The following CPT1B variants were observed in gnomAD, a reference collection of about 807,000 sequenced individuals.
The protein encoded by CPT1B is carnitine palmitoyltransferase 1B.
CPT1B carries 57 observed loss-of-function variants against 92.7 expected under a neutral mutation model. The observed-to-expected ratio is 0.62, with a 90% confidence interval of 0.50 to 0.77. The LOEUF (loss-of-function observed/expected upper bound fraction) is 0.77, where lower values mean the gene tolerates loss of function less well. CPT1B is among the 30% of genes least tolerant of loss of function. The probability of loss-of-function intolerance (pLI) is 0.00; values close to 1 mark genes in which losing one functional copy is unlikely to be tolerated. For synonymous variants in CPT1B, 398 were observed against 383.5 expected (o/e 1.04, Z -0.44); for missense variants, 983 against 1,017.4 (o/e 0.97, Z 0.46).
rs777514341 is a variant in CPT1B, at chr22:50,571,525, G to A, written c.1590C>T (p.Ile530=). The A allele has an allele frequency of 2.5e-6, 4 of 1,612,346 alleles. No individual in the cohort carries two copies. Among genetic ancestry groups the A allele is most frequent in the South Asian group, 2.2e-5 (2 of 91,084 alleles). Residue 530 remains isoleucine (I), a synonymous_variant, in exon 14 of 20, where the codon ATC becomes ATT. Transcript: ENST00000312108. ...CCTTGGCCACCTGGTAGGAACTCTC[G>A]ATGACCGCCTGGCACTGCCAAGACA... ...WDIPKQCQAV[I]ESSYQVAKAL... is the part of the protein sequence containing the mutation.
chr22:50,571,601 G>T, intron 13 of CPT1B, 62 bp from the exon 14 acceptor site: 1 of 1,556,950 alleles, frequency 6.4e-7, no homozygotes, highest in Non-Finnish European at 8.7e-7. Flanking sequence ...TCTGGGTCAT[G>T]TCTAGGAGGC....
chr22:50,577,883 C>G lies in CPT1B; in HGVS notation c.33G>C (p.Gln11His), dbSNP rs1270061398. The change falls in exon 2 of 20, where the codon CAG becomes CAC. Residue 11 changes from glutamine (Q) to histidine (H), a missense_variant. Physicochemically the swap from Gln to His is conservative, Grantham distance 24. Transcript: ENST00000312108. The part of the protein sequence containing the change: MAEAHQAVAF[Q>H]FTVTPDGVDF... ...CGACCCCGTCTGGGGTCACCGTGAA[C>G]TGGAAGGCCACGGCCTGGTGAGCTT... 22 of 1,612,994 alleles carry G rather than the reference C, an allele frequency of 1.4e-5. No individual in the cohort carries two copies. The highest frequency in any genetic ancestry group is 1.8e-5 in the Non-Finnish European group (21 of 1,179,592).
intron 17 of CPT1B, among the ~76,000 whole-genome samples, chr22:50,569,975 C>G: frequency 6.6e-6 from 1 of 152,298 alleles, no homozygotes; most frequent in South Asian, 2.1e-4. Flanking sequence ...CTGTGGGAGA[C>G]AGCTGCACTC....
In CPT1B at chr22:50,573,005, C is replaced by T. The variant is rs746721222; in HGVS notation, c.1222G>A (p.Ala408Thr). The T allele has an allele frequency of 1.1e-5, 17 of 1,612,510 alleles. No individual in the cohort carries two copies. In the South Asian group the frequency reaches 1.8e-4, roughly 17 times the overall value. ...AFFSSGKNKA[A>T]LEAIERAAFF... ...GCGGCACGCTCGATGGCCTCCAAGG[C>T]AGCCTTATTCTTTCCAGAGCTAAAG... Residue 408 changes from alanine (A) to threonine (T), a missense_variant, in exon 11 of 20, where the codon GCC (alanine) becomes ACC (threonine). Transcript: ENST00000312108. The surrounding 1 kb of genome is among the most constrained non-coding windows in gnomAD (Gnocchi z 5.0).
chr22:50,572,017 T>C lies in CPT1B; in HGVS notation c.1564A>G (p.Ile522Val). ...LAPPTRLQWD[I>V]PKQCQAVIES... ...AGCTTCCAACCCACCTGTTTTGGAA[T>C]GTCCCACTGCAGCCGTGTAGGAGGT... Residue 522 changes from isoleucine (I) to valine (V), a missense_variant, in exon 13 of 20, where the codon ATT (isoleucine) becomes GTT (valine). By Grantham distance (29) the Ile-to-Val change is conservative. Coordinates refer to ENST00000312108, the MANE Select transcript of CPT1B (RefSeq NM_152246.3). The C allele has an allele frequency of 6.2e-7, 1 of 1,613,930 alleles. No homozygotes were observed. The highest frequency in any genetic ancestry group is 2.2e-5 in the East Asian group (1 of 44,878).
chr22:50,575,796 A>G (rs1317194549), intron 7 of CPT1B, among the ~76,000 whole-genome samples: 1 of 152,186 alleles, frequency 6.6e-6, no homozygotes, highest in Non-Finnish European at 1.5e-5. Context: ...GACTCTGAGA[A>G]GCGGTGGCAG....
Position 50,577,310 on chromosome 22 carries a change from G to A in CPT1B, c.281+14C>T. 1.2e-6 allele frequency: 2 copies of A among 1,613,410 alleles called. No homozygotes were observed. The highest frequency in any genetic ancestry group is 1.7e-6 in the Non-Finnish European group (2 of 1,179,852). On this transcript the variant is annotated intron_variant, in intron 3 of 19. Transcript: ENST00000312108. ...CCCTGGTGGCACCTGTGCCCTTCCA[G>A]TTTCACTCCTTACCCCTGAGGGAGG...
At chr22:50,569,152 C>T (rs957472697) in intron 19 of CPT1B, 71 bp from the exon 20 acceptor site, 1 of 559,056 alleles carries the variant, frequency 1.8e-6, no homozygotes, top group Non-Finnish European at 3.2e-6. Flanking sequence ...AATTCCCTTC[C>T]TGCTCCAACC....
At chr22:50,570,639 TCAC>T (rs1285032365) in intron 16 of CPT1B, among the ~76,000 whole-genome samples, 1 of 152,186 alleles carries the variant, frequency 6.6e-6, no homozygotes, top group Admixed American at 6.5e-5. Flanking sequence ...AGTAGTGCTG[TCAC>T]CACCTGACAG....
chr22:50,569,894 T>TTC (rs978767032), intron 17 of CPT1B, among the ~76,000 whole-genome samples: 3 of 152,186 alleles, frequency 2.0e-5, no homozygotes, highest in African/African-American at 7.2e-5. Context: ...AGGGGGCTTA[T>TTC]TCTCTAGATC....
chr22:50,577,085 G>T, intron 3 of CPT1B, 51 bp from the exon 4 acceptor site: 1 of 1,598,686 alleles, frequency 6.3e-7, no homozygotes, highest in Non-Finnish European at 8.6e-7. Context: ...GCCAGCCTCG[G>T]GTGGCTGTGA....
Position 50,573,297 on chromosome 22 carries a change from G to C in CPT1B, c.1166+223C>G, listed in dbSNP as rs1052210863. 1.3e-5 allele frequency among the ~76,000 whole-genome samples: 2 copies of C among 150,104 alleles called. No homozygotes were observed. The highest frequency in any genetic ancestry group is 4.9e-5 in the African/African-American group (2 of 40,726). On this transcript the variant is annotated intron_variant, in intron 10 of 19. Transcript: ENST00000312108. The surrounding 1 kb of genome is among the most constrained non-coding windows in gnomAD (Gnocchi z 5.0). ...GCCAGGCTGGGCCTGGAGGTGGGGG[G>C]TGCCAAGCTATTTTGGAGGGTGTCC...
intron 1 of CPT1B, 21 bp from the exon 2 acceptor site, chr22:50,577,955 T>C: frequency 6.3e-7 from 1 of 1,578,130 alleles, no homozygotes; most frequent in Non-Finnish European, 8.6e-7. Flanking sequence ...GGCAGATGGG[T>C]GCGCGGGCGC....
Position 50,573,431 on chromosome 22 carries a change from C to T in CPT1B, c.1166+89G>A, listed in dbSNP as rs2070280000. 2 of 1,217,592 alleles carry T rather than the reference C, an allele frequency of 1.6e-6. No homozygotes were observed. Among genetic ancestry groups the T allele is most frequent in the South Asian group, 1.5e-5 (1 of 68,934 alleles). The allele number at this position is 1,217,592 out of a possible 1,614,324, so 75.4% of individuals were successfully genotyped here. A position where few individuals can be genotyped will look rare whatever the true frequency, so the allele number is the denominator to read the frequency against. The stretch of plus-strand genomic sequence containing the variant: ...CTCCCCTAGTTGTGCCTCCAGCCTC[C>T]AGTTCCAGGGTGGCAGGCAGGGCCA... On this transcript the variant is annotated intron_variant, in intron 10 of 19. Coordinates refer to ENST00000312108, the MANE Select transcript of CPT1B (RefSeq NM_152246.3). The surrounding 1 kb of genome is among the most constrained non-coding windows in gnomAD (Gnocchi z 5.0).
Position 50,576,909 on chromosome 22 carries a change from C to T in CPT1B, c.407G>A (p.Gly136Glu). 6.2e-7 allele frequency: 1 copy of T among 1,614,068 alleles called. No homozygotes were observed. Among genetic ancestry groups the T allele is most frequent in the Non-Finnish European group, 8.5e-7 (1 of 1,180,022 alleles). Residue 136 changes from glycine to glutamate, a missense_variant, in exon 4 of 20, where the codon GGG (glycine) becomes GAG (glutamate). Gly to Glu is a moderately conservative substitution (Grantham distance 98). Coordinates refer to ENST00000312108, the MANE Select transcript of CPT1B (RefSeq NM_152246.3). ...QTLKLLLCYH[G>E]WMFEMHGKTS... ...CTTGCCATGCATCTCAAACATCCAC[C>T]CATGGTAGCAGAGAAGCAGCTTCAG...
chr22:50,575,884 C>G, intron 7 of CPT1B, 151 bp downstream of exon 7: 1 of 701,290 alleles, frequency 1.4e-6, no homozygotes, highest in Non-Finnish European at 2.5e-6. Context: ...AGGATCTCCT[C>G]TCTCTCTTCC....
intron 13 of CPT1B, 64 bp downstream of exon 13, chr22:50,571,942 C>T (rs899366841): frequency 1.9e-5 from 28 of 1,467,246 alleles, no homozygotes; most frequent in Non-Finnish European, 2.5e-5. Flanking sequence ...GCTCAGGCCT[C>T]GTCGGGGCTG....
chr22:50,577,872 G>A lies in CPT1B; in HGVS notation c.44C>T (p.Thr15Ile). The A allele has an allele frequency of 6.2e-7, 1 of 1,613,442 alleles. No individual in the cohort carries two copies. Among genetic ancestry groups the A allele is most frequent in the Non-Finnish European group, 8.5e-7 (1 of 1,179,822 alleles). The stretch of plus-strand genomic sequence containing the variant: ...GAGCCGGAAGTCGACCCCGTCTGGG[G>A]TCACCGTGAACTGGAAGGCCACGGC... ...HQAVAFQFTV[T>I]PDGVDFRLSR... Residue 15 changes from threonine to isoleucine, a missense_variant, in exon 2 of 20, where the codon ACC (threonine) becomes ATC (isoleucine). Thr to Ile is a moderately conservative substitution (Grantham distance 89, BLOSUM62 -1). Transcript: ENST00000312108.
rs765010676 is a variant in CPT1B, at chr22:50,574,343, T to G, written c.962A>C (p.Lys321Thr). 6.2e-7 allele frequency: 1 copy of G among 1,612,526 alleles called. No homozygotes were observed. Among genetic ancestry groups the G allele is most frequent in the South Asian group, 1.1e-5 (1 of 90,810 alleles). The change falls in exon 9 of 20, where the codon AAG becomes ACG. Residue 321 changes from lysine to threonine, a missense_variant. By Grantham distance (78) the Lys-to-Thr change is moderately conservative. Coordinates refer to ENST00000312108, the MANE Select transcript of CPT1B (RefSeq NM_152246.3). Reference sequence around the variant, plus strand: ...CGAGGGGGCTCAGTTACCTGTGTCCTTGCCCGGGATCCGAGTGGTGTTGAA... The same window carrying G: ...CGAGGGGGCTCAGTTACCTGTGTCCGTGCCCGGGATCCGAGTGGTGTTGAA... ...RMFNTTRIPG[K>T]DTDVLQHLSD...
Sources: allele counts gnomAD v4.1 joint callset (sites outside exome capture counted in the v4.1 genomes callset), GRCh38; gene constraint gnomAD v4.1.1; non-coding constraint Gnocchi (gnomAD v3.1); transcripts MANE v1.5; gene names NCBI Gene and HGNC (gene_info 2026-07-23, HGNC 2026-07-21).